The following SIK3 variants were observed in gnomAD, a reference collection of about 807,000 sequenced individuals.
The protein encoded by SIK3 is SIK family kinase 3, also known as serine/threonine-protein kinase SIK3.
In SIK3, 28 loss-of-function variants were observed where a neutral mutation model predicts 144.2. The ratio of observed to expected loss-of-function variants is 0.19; its 90% CI spans 0.14 to 0.27. SIK3 has a LOEUF of 0.27. Among genes scored for constraint, SIK3 ranks in the 10% least tolerant of loss-of-function variants. SIK3 has a pLI of 1.00. For synonymous variants in SIK3, 686 were observed against 676.3 expected (o/e 1.01, Z -0.22); for missense variants, 1,319 against 1,776.0 (o/e 0.74, Z 4.62).
At chr11:116,859,241 C>A in intron 20 of SIK3, 24 bp downstream of exon 20, 1 of 1,577,870 alleles carries the variant, frequency 6.3e-7, no homozygotes, top group South Asian at 1.2e-5. Flanking sequence ...GCATAGATGG[C>A]TGGGTGACGT....
intron 4 of SIK3, among the ~76,000 whole-genome samples, chr11:116,916,061 T>TA (rs1946618116): frequency 6.6e-6 from 1 of 152,194 alleles, no homozygotes; most frequent in Admixed American, 6.5e-5. Flanking sequence ...TATTAACTTC[T>TA]AAAAAATAGA....
chr11:116,995,416 A>T (rs1332403935), intron 1 of SIK3, among the ~76,000 whole-genome samples: 2 of 151,906 alleles, frequency 1.3e-5, no homozygotes, highest in Non-Finnish European at 2.9e-5. Context: ...GGTGTGCACC[A>T]TCACACCCAG....
chr11:116,932,058 TTCTC>T (rs1947636563), intron 3 of SIK3, among the ~76,000 whole-genome samples: 1 of 152,174 alleles, frequency 6.6e-6, no homozygotes, highest in Non-Finnish European at 1.5e-5. Flanking sequence ...ATTCTTCTCT[TTCTC>T]TCACACCCTG....
intron 4 of SIK3, among the ~76,000 whole-genome samples, chr11:116,919,592 G>T (rs1314561526): frequency 6.6e-6 from 1 of 152,186 alleles, no homozygotes; most frequent in Non-Finnish European, 1.5e-5. Flanking sequence ...GCATTTGAAA[G>T]AACTTTTCTT....
chr11:117,012,450 AC>A (rs1323939632), intron 1 of SIK3, among the ~76,000 whole-genome samples: 1 of 152,086 alleles, frequency 6.6e-6, no homozygotes, highest in Non-Finnish European at 1.5e-5. Flanking sequence ...GCTGTATTTG[AC>A]CTTATGTTTG....
intron 14 of SIK3, 97 bp from the exon 15 acceptor site, chr11:116,868,186 T>C (rs575518293): frequency 1.4e-6 from 2 of 1,456,376 alleles, no homozygotes; most frequent in African/African-American, 2.8e-5. Context: ...CTCAATGAAA[T>C]AGTGCCAGAG....
intron 1 of SIK3, among the ~76,000 whole-genome samples, chr11:117,052,841 C>T (rs1953322545): frequency 6.6e-6 from 1 of 152,194 alleles, no homozygotes; most frequent in African/African-American, 2.4e-5. Context: ...GGCTCTAATG[C>T]CGTAGTTTCA....
At chr11:116,947,157 A>ATAAATTATTAT (rs1372096243) in intron 3 of SIK3, among the ~76,000 whole-genome samples, 3 of 138,440 alleles carry the variant, frequency 2.2e-5, no homozygotes, top group African/African-American at 8.2e-5. Context: ...TATATAATAT[A>ATAAATTATTAT]TTATATATAA....
chr11:116,945,788 T>C (rs1355084396), intron 3 of SIK3, among the ~76,000 whole-genome samples: 1 of 152,190 alleles, frequency 6.6e-6, no homozygotes, highest in Non-Finnish European at 1.5e-5. Context: ...TATAATGGAA[T>C]AACAAGTTAA....
chr11:117,064,218 TA>T (rs1409930950), intron 1 of SIK3, among the ~76,000 whole-genome samples: 2 of 152,086 alleles, frequency 1.3e-5, no homozygotes, highest in African/African-American at 4.8e-5. Context: ...GCCAAGAATT[TA>T]AAAAAGGAAA....
intron 1 of SIK3, among the ~76,000 whole-genome samples, chr11:117,032,677 T>A (rs1036355621): frequency 4.0e-5 from 5 of 125,900 alleles, no homozygotes; most frequent in African/African-American, 1.7e-4. Context: ...ACCTTTTCTT[T>A]TTTTTTTTTT....
chr11:116,987,321 T>TAAA (rs35342917), intron 1 of SIK3, among the ~76,000 whole-genome samples: 2,571 of 137,236 alleles, frequency 0.019, 39 homozygotes, highest in Middle Eastern at 0.028. Flanking sequence ...CATAAAAGAT[T>TAAA]AAAAAAAAAA....
chr11:116,957,118 A>G, intron 1 of SIK3, 54 bp from the exon 2 acceptor site: 1 of 945,316 alleles, frequency 1.1e-6, no homozygotes, highest in Non-Finnish European at 1.6e-6. Flanking sequence ...GCAGTTTACT[A>G]AGAAAAATTA....
intron 4 of SIK3, among the ~76,000 whole-genome samples, chr11:116,916,811 A>AT (rs1269534948): frequency 1.6e-4 from 23 of 143,930 alleles, no homozygotes; most frequent in East Asian, 6.2e-4. Context: ...AAAAAAAAAA[A>AT]TTTTTTTTTT....
intron 1 of SIK3, among the ~76,000 whole-genome samples, chr11:117,073,459 TATAA>T (rs1206451139): frequency 2.6e-5 from 4 of 152,210 alleles, no homozygotes; most frequent in African/African-American, 9.6e-5. Context: ...TAGACCTACT[TATAA>T]ATCTCAGCTC....
At position 116,984,696 on chromosome 11, in the gene SIK3, C is replaced by A. The variant is rs563266306; in HGVS notation, c.274-27632G>T. Among the ~76,000 whole-genome samples, 451 of 147,250 alleles carry A rather than the reference C, an allele frequency of 3.1e-3. 3 individuals carry two copies. Among genetic ancestry groups the A allele is most frequent in the African/African-American group, 0.011 (434 of 37,986 alleles). ...TTTATAAGTTGGAAAAAAAGCAACA[C>A]ACACACACACCACAGACACCCCAAG... On this transcript the variant is annotated intron_variant, in intron 1 of 24. Coordinates refer to ENST00000445177, the MANE Select transcript of SIK3 (RefSeq NM_001366686.3).
intron 1 of SIK3, among the ~76,000 whole-genome samples, chr11:117,046,989 TC>T (rs1952996854): frequency 6.6e-6 from 1 of 152,226 alleles, no homozygotes; most frequent in South Asian, 2.1e-4. Flanking sequence ...TGTAACAGAA[TC>T]TTTTTTTCCT....
intron 1 of SIK3, among the ~76,000 whole-genome samples, chr11:117,039,227 C>A (rs1952641674): frequency 6.6e-6 from 1 of 152,052 alleles, no homozygotes; most frequent in South Asian, 2.1e-4. Flanking sequence ...TAAAAAGATA[C>A]CTATTGTCTT....
chr11:117,031,687 AT>A (rs57524562), intron 1 of SIK3, among the ~76,000 whole-genome samples: 4,109 of 81,346 alleles, frequency 0.051, 64 homozygotes, highest in East Asian at 0.14. Flanking sequence ...CACCCGGCTA[AT>A]TTTTTTTTTT....
Sources: gnomAD v4.1 joint callset for allele counts (sites outside exome capture counted in the v4.1 genomes callset) on GRCh38, gnomAD v4.1.1 for gene constraint, MANE v1.5 for transcripts, NCBI Gene and HGNC (gene_info 2026-07-23, HGNC 2026-07-21) for gene names.